Variants in CYP7B1 observed in about 807,000 individuals in gnomAD.
CYP7B1 encodes the protein cytochrome P450 7B1.
Under a neutral mutation model 42.7 loss-of-function variants are expected in CYP7B1, and 29 were observed. The ratio of observed to expected loss-of-function variants is 0.68; its 90% CI spans 0.51 to 0.93. The LOEUF is 0.93. Among genes scored for constraint, CYP7B1 ranks in the 40% least tolerant of loss-of-function variants. CYP7B1 has a pLI of 0.00. For synonymous variants in CYP7B1, 235 were observed against 218.2 expected, an observed-to-expected ratio of 1.08 and a Z score of -0.68; for missense variants, 655 against 600.5, an observed-to-expected ratio of 1.09 and a Z score of -0.95.
chr8:64,731,327 C>A (rs1260136888), intron 1 of CYP7B1, among the ~76,000 whole-genome samples: 2 of 152,034 alleles, frequency 1.3e-5, no homozygotes, highest in Non-Finnish European at 2.9e-5. Context: ...TTGTTGGGAA[C>A]TGTATGGAGG....
At chr8:64,618,719 A>G (rs182862941) in intron 2 of CYP7B1, among the ~76,000 whole-genome samples, 6 of 152,292 alleles carry the variant, frequency 3.9e-5, no homozygotes, top group African/African-American at 1.4e-4. Context: ...ATAAAAGTTG[A>G]ATGTGGACAA....
chr8:64,615,418 G>A (rs1381140381), intron 3 of CYP7B1, among the ~76,000 whole-genome samples, 186 bp from the exon 4 acceptor site: 9 of 149,088 alleles, frequency 6.0e-5, no homozygotes, highest in Non-Finnish European at 1.0e-4. Flanking sequence ...TAATGTGTAT[G>A]GGGGGGGCGG....
At chr8:64,625,943 TA>T (rs146797492) in intron 1 of CYP7B1, among the ~76,000 whole-genome samples, 4,381 of 152,220 alleles carry the variant, frequency 0.029, 189 homozygotes, top group African/African-American at 0.099. Context: ...TGAAGTTTTT[TA>T]AGCCACTTAA....
chr8:64,618,455 A>C (rs1805479247), intron 2 of CYP7B1, among the ~76,000 whole-genome samples: 1 of 152,200 alleles, frequency 6.6e-6, no homozygotes, highest in South Asian at 2.1e-4. Context: ...GAAACAGAAA[A>C]TATATTCAGA....
intron 1 of CYP7B1, among the ~76,000 whole-genome samples, chr8:64,788,685 T>C (rs1804567838): frequency 6.6e-6 from 1 of 152,238 alleles, no homozygotes; most frequent in African/African-American, 2.4e-5. Context: ...CTTTCTTAAA[T>C]GTATGTATAT....
At chr8:64,616,382 C>T in intron 2 of CYP7B1, 101 bp from the exon 3 acceptor site, 1 of 795,038 alleles carries the variant, frequency 1.3e-6, no homozygotes, top group Non-Finnish European at 2.0e-6. Context: ...TTAGAAAGAC[C>T]CTAATAACTA....
intron 1 of CYP7B1, among the ~76,000 whole-genome samples, chr8:64,667,013 A>G (rs1806290538): frequency 6.6e-6 from 1 of 152,214 alleles, no homozygotes; most frequent in Non-Finnish European, 1.5e-5. Context: ...TAACCTTGGA[A>G]ATATCAGGAT....
In CYP7B1 at chr8:64,645,372, A is replaced by C. The variant is rs75518800; in HGVS notation, c.123-20833T>G. Among the ~76,000 whole-genome samples, 66 of 151,562 alleles carry C rather than the reference A, an allele frequency of 4.4e-4. 1 individual carries two copies. Among genetic ancestry groups the C allele is most frequent in the Non-Finnish European group, 7.1e-4 (48 of 67,892 alleles). ...CAATGGTTGAACTAGTTTACAGTCC[A>C]ACCAACAGTGTAAAAGTGTTCCTAT... On this transcript the variant is annotated intron_variant, in intron 1 of 5. Coordinates refer to ENST00000310193, the MANE Select transcript of CYP7B1 (RefSeq NM_004820.5).
intron 1 of CYP7B1, among the ~76,000 whole-genome samples, chr8:64,654,119 G>A (rs1806084878): frequency 6.6e-6 from 1 of 152,138 alleles, no homozygotes. Flanking sequence ...ACAAGACAAG[G>A]ATGCCCTCTC....
At chr8:64,677,473 T>C (rs1806465946) in intron 1 of CYP7B1, among the ~76,000 whole-genome samples, 1 of 147,530 alleles carries the variant, frequency 6.8e-6, no homozygotes, top group African/African-American at 2.5e-5. Flanking sequence ...AATGATTTCC[T>C]GGTGATTATA....
At chr8:64,768,124 G>A (rs1224196805) in intron 1 of CYP7B1, among the ~76,000 whole-genome samples, 1 of 152,148 alleles carries the variant, frequency 6.6e-6, no homozygotes, top group Non-Finnish European at 1.5e-5. Context: ...TAAACACGGG[G>A]CTTGTAACTC....
chr8:64,722,530 C>T (rs776270148), intron 1 of CYP7B1, among the ~76,000 whole-genome samples: 5 of 151,930 alleles, frequency 3.3e-5, no homozygotes, highest in Non-Finnish European at 7.4e-5. Context: ...AATGCTTTTA[C>T]TTTTGCATTG....
chr8:64,665,559 G>GTTTTTTTTTTTTTTTTT (rs540578806), intron 1 of CYP7B1, among the ~76,000 whole-genome samples: 3 of 52,022 alleles, frequency 5.8e-5, no homozygotes, highest in Admixed American at 3.5e-4. Context: ...TTTTTTGGTG[G>GTTTTTTTTTTTTTTTTT]TTTTTTTTTT....
In CYP7B1 at chr8:64,618,224, A is replaced by C. The variant is rs1585810233; in HGVS notation, c.260-1943T>G. ...AAAATCAATTTTCTTATTTTGCAAA[A>C]GATATAATTTTAGGCAAAGTTGTGT... On this transcript the variant is annotated intron_variant, in intron 2 of 5. Coordinates refer to ENST00000310193, the MANE Select transcript of CYP7B1 (RefSeq NM_004820.5). Among the ~76,000 whole-genome samples, 4 of 152,042 alleles carry C rather than the reference A, an allele frequency of 2.6e-5. No homozygotes were observed. The East Asian group carries it at 5.8e-4, about 22-fold the overall frequency.
intron 1 of CYP7B1, among the ~76,000 whole-genome samples, chr8:64,682,229 G>C (rs569811738): frequency 6.2e-4 from 94 of 152,312 alleles, no homozygotes; most frequent in Non-Finnish European, 1.2e-3. Flanking sequence ...ATAGGGTGCA[G>C]TTTGGCTGGG....
chr8:64,696,054 A>G lies in CYP7B1; in HGVS notation c.123-71515T>C, dbSNP rs116657601. On this transcript the variant is annotated intron_variant, in intron 1 of 5. Coordinates refer to ENST00000310193, the MANE Select transcript of CYP7B1 (RefSeq NM_004820.5). ...CATTCCTCTGAGTTTGTAATGCTAA[A>G]TGTCCAGAACAAAGAAGACCCAACA... 2.9e-3 allele frequency among the ~76,000 whole-genome samples: 437 copies of G among 152,288 alleles called. 1 individual carries two copies. The highest frequency in any genetic ancestry group is 0.01 in the African/African-American group (420 of 41,576).
intron 2 of CYP7B1, among the ~76,000 whole-genome samples, chr8:64,622,501 G>T (rs1017943316): frequency 6.6e-6 from 1 of 152,258 alleles, no homozygotes. Flanking sequence ...GTCTAGGTAG[G>T]TGGACCAGGG....
At chr8:64,663,768 C>T (rs532894533) in intron 1 of CYP7B1, among the ~76,000 whole-genome samples, 1 of 151,904 alleles carries the variant, frequency 6.6e-6, no homozygotes, top group South Asian at 2.1e-4. Context: ...AGCTAGCTCT[C>T]TTCATTCTTT....
chr8:64,636,201 T>C (rs1490685743), intron 1 of CYP7B1, among the ~76,000 whole-genome samples: 1 of 152,174 alleles, frequency 6.6e-6, no homozygotes, highest in Non-Finnish European at 1.5e-5. Flanking sequence ...ATGACTGCAA[T>C]AGCCTCCTGG....
Sources: gnomAD v4.1 joint callset for allele counts (sites outside exome capture counted in the v4.1 genomes callset) on GRCh38, gnomAD v4.1.1 for gene constraint, MANE v1.5 for transcripts, NCBI Gene and HGNC (gene_info 2026-07-23, HGNC 2026-07-21) for gene names.